Variants in BCL2L11 observed in about 807,000 individuals in gnomAD.
The protein encoded by BCL2L11 is bcl-2-like protein 11.
In BCL2L11, 15 loss-of-function variants were observed where a neutral mutation model predicts 20.6. The ratio of observed to expected loss-of-function variants is 0.73; its 90% confidence interval spans 0.49 to 1.12. The LOEUF is 1.12. Among genes scored for constraint, BCL2L11 ranks in the 50% most tolerant of loss-of-function variants. The probability of loss-of-function intolerance (pLI) is 0.00; values close to 1 mark genes in which losing one functional copy is unlikely to be tolerated. For synonymous variants in BCL2L11, 108 were observed against 92.8 expected (o/e 1.16, Z -0.94); for missense variants, 292 against 260.9 (o/e 1.12, Z -0.82).
intron 2 of BCL2L11, among the ~76,000 whole-genome samples, chr2:111,140,095 C>T (rs2075566005): frequency 6.6e-6 from 1 of 152,160 alleles, no homozygotes; most frequent in Non-Finnish European, 1.5e-5. Context: ...AGTGAGGAAA[C>T]CGAACTTGGG....
At chr2:111,139,617 T>C (rs937296397) in intron 2 of BCL2L11, among the ~76,000 whole-genome samples, 1 of 152,028 alleles carries the variant, frequency 6.6e-6, no homozygotes, top group African/African-American at 2.4e-5. Flanking sequence ...TATTTCTAAG[T>C]GAGTGAGTTA....
chr2:111,122,111 T>G (rs575516400), intron 1 of BCL2L11, among the ~76,000 whole-genome samples: 2 of 152,180 alleles, frequency 1.3e-5, no homozygotes, highest in Admixed American at 6.5e-5. Flanking sequence ...GGGTGGCTCT[T>G]CGGCTTTGAC....
At chr2:111,141,099 T>G (rs2075724674) in intron 2 of BCL2L11, among the ~76,000 whole-genome samples, 1 of 152,214 alleles carries the variant, frequency 6.6e-6, no homozygotes, top group African/African-American at 2.4e-5. Context: ...GGCAAATGCC[T>G]TAGCCTGCCT....
At chr2:111,147,364 A>T (rs763705558) in intron 2 of BCL2L11, among the ~76,000 whole-genome samples, 5,730 of 148,336 alleles carry the variant, frequency 0.039, 149 homozygotes, top group Non-Finnish European at 0.057. Context: ...ACACACACAC[A>T]CACACACACA....
At chr2:111,140,148 G>A (rs115325572) in intron 2 of BCL2L11, among the ~76,000 whole-genome samples, 177 of 152,276 alleles carry the variant, frequency 1.2e-3, no homozygotes, top group African/African-American at 4.1e-3. Context: ...TTGGAGCCCC[G>A]GGTTGAACTT....
chr2:111,137,678 A>G (rs886253319), intron 2 of BCL2L11, among the ~76,000 whole-genome samples: 4 of 145,924 alleles, frequency 2.7e-5, no homozygotes, highest in African/African-American at 1.0e-4. Flanking sequence ...AGAAACATAT[A>G]TGCAAGGGGG....
Position 111,164,339 on chromosome 2 carries a change from C to G in BCL2L11, c.*108C>G. 4 of 816,004 alleles carry G rather than the reference C, an allele frequency of 4.9e-6. No individual in the cohort carries two copies. In the Admixed American group the frequency reaches 7.4e-5, roughly 15 times the overall value. 50.5% of individuals were successfully genotyped at this position (816,004 alleles called of 1,614,324 possible). A position where few individuals can be genotyped will look rare whatever the true frequency, so the allele number is the denominator to read the frequency against. On this transcript the variant is annotated 3_prime_UTR_variant, in exon 4 of 4. Coordinates refer to ENST00000393256, the MANE Select transcript of BCL2L11 (RefSeq NM_138621.5). ...CCATTATTATGCAGCCAGCGGTTCT[C>G]TTGTGGAGGGGGCAGGTGACGTTTC... is the stretch of plus-strand genomic sequence containing the variant.
intron 2 of BCL2L11, among the ~76,000 whole-genome samples, chr2:111,147,860 CA>C (rs1295016071): frequency 1.3e-5 from 2 of 152,156 alleles, no homozygotes; most frequent in African/African-American, 4.8e-5. Context: ...AGAAATTTAG[CA>C]GTTAGTTGAA....
At chr2:111,161,523 G>T in intron 3 of BCL2L11, 2 of 1,548,976 alleles carry the variant, frequency 1.3e-6, no homozygotes, top group South Asian at 1.2e-5. Context: ...AGACGGTCAA[G>T]GCATGGCTGC....
chr2:111,125,061 A>T (rs530439391), intron 2 of BCL2L11, among the ~76,000 whole-genome samples: 1 of 152,216 alleles, frequency 6.6e-6, no homozygotes, highest in Non-Finnish European at 1.5e-5. Flanking sequence ...GAGACTGGTA[A>T]ATTGGAGAGT....
chr2:111,128,778 T>C, intron 2 of BCL2L11: 2 of 1,537,930 alleles, frequency 1.3e-6, no homozygotes, highest in Non-Finnish European at 8.7e-7. Flanking sequence ...CAGCCACCTC[T>C]CTCCCTCTTC....
chr2:111,152,940 G>T (rs2077415355), intron 3 of BCL2L11, among the ~76,000 whole-genome samples: 1 of 152,180 alleles, frequency 6.6e-6, no homozygotes, highest in Non-Finnish European at 1.5e-5. Context: ...AAATAATTCA[G>T]TGCAAAAATA....
chr2:111,121,792 G>A (rs900801758), intron 1 of BCL2L11, among the ~76,000 whole-genome samples: 1 of 152,240 alleles, frequency 6.6e-6, no homozygotes, highest in African/African-American at 2.4e-5. Context: ...TTGCTCTGCA[G>A]GAGTCCTGCG....
chr2:111,160,333 T>G (rs1461956555), intron 3 of BCL2L11, among the ~76,000 whole-genome samples: 1 of 152,232 alleles, frequency 6.6e-6, no homozygotes, highest in African/African-American at 2.4e-5. Flanking sequence ...TTATCTTGTT[T>G]ACTGTTTTGT....
At chr2:111,150,292 C>T in intron 3 of BCL2L11, 145 bp downstream of exon 3, 2 of 1,458,096 alleles carry the variant, frequency 1.4e-6, no homozygotes, top group East Asian at 5.4e-5. Flanking sequence ...CATTGTTTCT[C>T]CTTTCCCATT....
intron 2 of BCL2L11, chr2:111,142,320 C>A: frequency 6.5e-7 from 1 of 1,550,350 alleles, no homozygotes; most frequent in Non-Finnish European, 8.7e-7. Context: ...CAGATGACTC[C>A]GCTGGATCCT....
chr2:111,130,289 G>C, intron 2 of BCL2L11: 1 of 278,090 alleles, frequency 3.6e-6, no homozygotes, highest in South Asian at 2.7e-5. Context: ...ATTTTTATTA[G>C]AGATGGGTTT....
Position 111,165,426 on chromosome 2 carries a change from C to G in BCL2L11, c.*1195C>G, listed in dbSNP as rs1038851612. The G allele has an allele frequency of 6.6e-6, 1 of 152,306 alleles. No homozygotes were observed. Among genetic ancestry groups the G allele is most frequent in the Non-Finnish European group, 1.5e-5 (1 of 68,078 alleles). 9.4% of individuals were successfully genotyped at this position (152,306 alleles called of 1,614,324 possible). A position where few individuals can be genotyped will look rare whatever the true frequency, so the allele number is the denominator to read the frequency against. On this transcript the variant is annotated 3_prime_UTR_variant, in exon 4 of 4. Coordinates refer to ENST00000393256, the MANE Select transcript of BCL2L11 (RefSeq NM_138621.5). The stretch of plus-strand genomic sequence containing the variant: ...TTTAGTCCAACTCACAGTCCACTAG[C>G]TTCACTCCTTTAAATTCACTTTGAA...
intron 1 of BCL2L11, chr2:111,122,862 G>GCCGGACGCCGCGGGGCTTGGT (rs1245063606): frequency 1.2e-4 from 115 of 985,514 alleles, no homozygotes; most frequent in Non-Finnish European, 1.4e-4. Context: ...AAGGGCGCGG[G>GCCGGACGCCGCGGGGCTTGGT]CCGGACGCCG....
Sources: gnomAD v4.1 joint callset for allele counts (sites outside exome capture counted in the v4.1 genomes callset) on GRCh38, gnomAD v4.1.1 for gene constraint, MANE v1.5 for transcripts, NCBI Gene and HGNC (gene_info 2026-07-23, HGNC 2026-07-21) for gene names.